The following MAP3K13 variants were observed in gnomAD, a reference collection of about 807,000 sequenced individuals.
MAP3K13 encodes mitogen-activated protein kinase kinase kinase 13, also known as leucine zipper-bearing kinase.
Under a neutral mutation model 104.0 loss-of-function variants are expected in MAP3K13, and 52 were observed. The observed-to-expected ratio is 0.50, with a 90% confidence interval of 0.40 to 0.63. The LOEUF (loss-of-function observed/expected upper bound fraction) is 0.63. MAP3K13 is among the 20% of genes least tolerant of loss of function. MAP3K13 has a pLI of 0.00. For missense variants in MAP3K13, 914 were observed against 1,218.5 expected, an observed-to-expected ratio of 0.75 and a Z score of 3.72; for synonymous variants, 394 against 442.2, an observed-to-expected ratio of 0.89 and a Z score of 1.37.
intron 2 of MAP3K13, among the ~76,000 whole-genome samples, chr3:185,300,484 AT>A (rs370835488): frequency 1.4e-4 from 15 of 104,714 alleles, no homozygotes; most frequent in East Asian, 2.8e-4. Context: ...CTATTTCCTT[AT>A]TTTTTTTTTC....
chr3:185,403,820 G>A (rs749515557), intron 1 of MAP3K13, among the ~76,000 whole-genome samples: 2 of 152,202 alleles, frequency 1.3e-5, no homozygotes, highest in Non-Finnish European at 1.5e-5. Flanking sequence ...TATAGAAGCT[G>A]TAATCAGGTA....
intron 3 of MAP3K13, among the ~76,000 whole-genome samples, chr3:185,440,262 G>A (rs1230959912): frequency 6.6e-6 from 1 of 152,160 alleles, no homozygotes; most frequent in Non-Finnish European, 1.5e-5. Flanking sequence ...AAGAAACCTT[G>A]TCATAGTACA....
At chr3:185,350,556 A>T (rs577781957) in intron 2 of MAP3K13, among the ~76,000 whole-genome samples, 1 of 152,166 alleles carries the variant, frequency 6.6e-6, no homozygotes, top group Non-Finnish European at 1.5e-5. Context: ...GCTTGGGTCC[A>T]TGTTTCTTGT....
At chr3:185,440,742 C>A (rs911305172) in intron 3 of MAP3K13, among the ~76,000 whole-genome samples, 6 of 152,276 alleles carry the variant, frequency 3.9e-5, no homozygotes, top group African/African-American at 1.4e-4. Flanking sequence ...GCCATGACCT[C>A]AAAATTCTTT....
At chr3:185,366,879 A>G (rs1269154501) in intron 1 of MAP3K13, among the ~76,000 whole-genome samples, 1 of 152,192 alleles carries the variant, frequency 6.6e-6, no homozygotes, top group African/African-American at 2.4e-5. Flanking sequence ...CTCATTCCAT[A>G]GGTTGCCTCC....
chr3:185,437,314 G>A (rs1715095311), intron 2 of MAP3K13, 133 bp from the exon 3 acceptor site: 3 of 661,208 alleles, frequency 4.5e-6, no homozygotes, highest in Admixed American at 5.6e-5. Flanking sequence ...TACATAGGAA[G>A]GTTCTATCTT....
chr3:185,395,357 C>CTTTCTTTTTTTTTTTTTTT (rs1553798321), intron 1 of MAP3K13, among the ~76,000 whole-genome samples: 17 of 69,978 alleles, frequency 2.4e-4, no homozygotes, highest in East Asian at 2.1e-3. Context: ...AATATTATTT[C>CTTTCTTTTTTTTTTTTTTT]TTTTTTTTTT....
intron 2 of MAP3K13, among the ~76,000 whole-genome samples, chr3:185,307,648 A>G (rs568533061): frequency 1.0e-4 from 15 of 148,554 alleles, no homozygotes; most frequent in Non-Finnish European, 1.9e-4. Flanking sequence ...GGTTAAAGCA[A>G]TTCTCCTGCC....
rs560292139 is a variant in MAP3K13 at position 185,412,785 on chromosome 3, C to A, written c.-85-15712C>A. Among the ~76,000 whole-genome samples, 181 of 152,294 alleles carry A rather than the reference C, an allele frequency of 1.2e-3. 1 individual carries two copies. Among genetic ancestry groups the A allele is most frequent in the African/African-American group, 3.9e-3 (162 of 41,566 alleles). ...GACATTGGATCCAGAGTCAGGAGTG[C>A]TTTGTTCATCCTGGAGCTTTTGTCC... On this transcript the variant is annotated intron_variant, in intron 1 of 13. Transcript: ENST00000265026.
At chr3:185,439,600 G>T (rs143575607) in intron 3 of MAP3K13, among the ~76,000 whole-genome samples, 9 of 152,258 alleles carry the variant, frequency 5.9e-5, no homozygotes, top group Admixed American at 1.3e-4. Context: ...TGGCCTTTTG[G>T]CCTCTTGAAG....
intron 2 of MAP3K13, among the ~76,000 whole-genome samples, chr3:185,341,618 C>T (rs932318507): frequency 6.6e-6 from 1 of 152,094 alleles, no homozygotes; most frequent in Non-Finnish European, 1.5e-5. Flanking sequence ...CTTTTTTATT[C>T]CTCCCTTTAA....
rs1715810051 is a variant in MAP3K13, at chr3:185,450,271, G to T, written c.1169+213G>T. On this transcript the variant is annotated intron_variant, in intron 6 of 13. Coordinates refer to ENST00000265026, the MANE Select transcript of MAP3K13 (RefSeq NM_004721.5). The surrounding 1 kb of genome is among the most constrained non-coding windows in gnomAD (Gnocchi z 4.2). ...GACAACACTGACTCATAGAGTTATT[G>T]TGTTGTAATTAATTAAAATTTAGAA... Among the ~76,000 whole-genome samples the T allele has an allele frequency of 6.6e-6, 1 of 152,076 alleles. No individual in the cohort carries two copies. The highest frequency in any genetic ancestry group is 2.4e-5 in the African/African-American group (1 of 41,408).
At position 185,309,497 on chromosome 3, in the gene MAP3K13, C is replaced by T. The variant is rs138362538; in HGVS notation, c.-86+23854C>T. Reference sequence around the variant, plus strand: ...ACTGCACTCCAGCCTGGTGACAAAGCGAGACCTTGTCTCACAAAAAAAAAA... The same window carrying T: ...ACTGCACTCCAGCCTGGTGACAAAGTGAGACCTTGTCTCACAAAAAAAAAA... On this transcript the variant is annotated intron_variant, in intron 2 of 14. Coordinates refer to the MAP3K13 transcript ENST00000424227. Among the ~76,000 whole-genome samples, 764 of 127,158 alleles carry T rather than the reference C, an allele frequency of 6.0e-3. 5 individuals are homozygous for T. The highest frequency in any genetic ancestry group is 0.021 in the African/African-American group (687 of 32,634). The allele number at this position is 127,158 out of a possible 152,430, so 83.4% of individuals were successfully genotyped here. A position where few individuals can be genotyped will look rare whatever the true frequency, so the allele number is the denominator to read the frequency against.
intron 1 of MAP3K13, among the ~76,000 whole-genome samples, chr3:185,406,299 G>A (rs1713111476): frequency 6.6e-6 from 1 of 152,150 alleles, no homozygotes; most frequent in Non-Finnish European, 1.5e-5. Context: ...AAATTGTACT[G>A]CCATGTCAAG....
chr3:185,304,758 C>CT lies in MAP3K13; in HGVS notation c.-86+19115_-86+19116insT, dbSNP rs1721224199. Among the ~76,000 whole-genome samples, 5 of 152,184 alleles carry CT rather than the reference C, an allele frequency of 3.3e-5. No homozygotes were observed. In the South Asian group the frequency reaches 1.0e-3, roughly 32 times the overall value. Reference sequence around the variant, plus strand: ...AAGCGATTCTCCTGCCTCAGCCTCCCGAGCAGCTGGGACTACAGACATGCG... The same window carrying CT: ...AAGCGATTCTCCTGCCTCAGCCTCCCTGAGCAGCTGGGACTACAGACATGCG... On this transcript the variant is annotated intron_variant, in intron 2 of 14. Coordinates refer to the MAP3K13 transcript ENST00000424227.
chr3:185,377,447 C>T (rs561731045), intron 1 of MAP3K13, among the ~76,000 whole-genome samples: 5 of 151,790 alleles, frequency 3.3e-5, no homozygotes, highest in East Asian at 1.9e-4. Context: ...GAGAAAAGGG[C>T]GGCAATGAGG....
intron 7 of MAP3K13, among the ~76,000 whole-genome samples, chr3:185,454,335 G>GAGAT (rs1716125697): frequency 1.3e-5 from 1 of 75,962 alleles, no homozygotes; most frequent in East Asian, 3.3e-4. Flanking sequence ...AGATATATAT[G>GAGAT]ATATATATGA....
Position 185,329,200 on chromosome 3 carries a change from A to G in MAP3K13, c.-86+43557A>G, listed in dbSNP as rs1274759951. On this transcript the variant is annotated intron_variant, in intron 2 of 14. Coordinates refer to the MAP3K13 transcript ENST00000424227. Reference sequence around the variant, plus strand: ...AAACAGGTCCCGTGTGCACGAAATGATTTCTAATGTCTTATGTTGAGTGCA... The same window carrying G: ...AAACAGGTCCCGTGTGCACGAAATGGTTTCTAATGTCTTATGTTGAGTGCA... 3 of 702,884 alleles carry G rather than the reference A, an allele frequency of 4.3e-6. No individual in the cohort carries two copies. In the East Asian group the frequency reaches 8.0e-5, roughly 19 times the overall value. The allele number at this position is 702,884 out of a possible 1,614,324, so 43.5% of individuals were successfully genotyped here.
At chr3:185,384,308 CTGTGTGTG>C (rs142627913) in intron 1 of MAP3K13, among the ~76,000 whole-genome samples, 36 of 147,462 alleles carry the variant, frequency 2.4e-4, no homozygotes, top group African/African-American at 3.3e-4. Flanking sequence ...GTATTCCATT[CTGTGTGTG>C]TGTGTGTGTG....
Sources: gnomAD v4.1 joint callset for allele counts (sites outside exome capture counted in the v4.1 genomes callset) on GRCh38, gnomAD v4.1.1 for gene constraint, Gnocchi (gnomAD v3.1) non-coding constraint, MANE v1.5 for transcripts, NCBI Gene and HGNC (gene_info 2026-07-23, HGNC 2026-07-21) for gene names.